Variants in CSMD3 observed in about 807,000 individuals in gnomAD.
The protein encoded by CSMD3 is CUB and Sushi multiple domains 3, also known as CUB and sushi domain-containing protein 3.
In CSMD3, 177 loss-of-function variants were observed where a neutral mutation model predicts 435.2. That is an observed-to-expected ratio of 0.41 (90% confidence interval 0.36 to 0.46). The LOEUF is 0.46. Ranked by LOEUF, CSMD3 falls within the 20% of genes least tolerant of loss-of-function variation. The pLI is 0.34. For synonymous variants in CSMD3, 1,656 were observed against 1,520.5 expected, an observed-to-expected ratio of 1.09 and a Z score of -2.07; for missense variants, 4,265 against 4,504.6, an observed-to-expected ratio of 0.95 and a Z score of 1.52.
chr8:112,492,490 A>G lies in CSMD3; in HGVS notation c.5277T>C (p.His1759=), dbSNP rs2130851922. 1 of 1,613,172 alleles carries G rather than the reference A, an allele frequency of 6.2e-7. No individual in the cohort carries two copies. Among genetic ancestry groups the G allele is most frequent in the Non-Finnish European group, 8.5e-7 (1 of 1,179,162 alleles). Residue 1759 remains histidine, a splice_region_variant and synonymous_variant, in exon 31 of 71, where the codon CAT becomes CAC. Transcript: ENST00000297405. ...PGWNRALPSC[H]APCGSRSTGS... is the part of the protein sequence containing the mutation. ...TCAGCCAAAAAATATGTTCCTTACC[A>G]TGACAACTTGGCAAGGCTCTATTCC...
intron 32 of CSMD3, among the ~76,000 whole-genome samples, chr8:112,444,922 C>G (rs915281801): frequency 1.3e-5 from 2 of 152,026 alleles, no homozygotes; most frequent in African/African-American, 4.8e-5. Context: ...TAGTAAGATT[C>G]GTTTTAACAA....
intron 5 of CSMD3, among the ~76,000 whole-genome samples, chr8:113,056,025 G>A (rs1355303128): frequency 6.6e-6 from 1 of 152,154 alleles, no homozygotes; most frequent in East Asian, 1.9e-4. Flanking sequence ...TCCTGAAAGA[G>A]GATAAGGTAG....
intron 1 of CSMD3, among the ~76,000 whole-genome samples, chr8:113,396,473 C>T (rs746940051): frequency 4.6e-5 from 7 of 152,126 alleles, no homozygotes; most frequent in South Asian, 2.1e-4. Context: ...TGAGTTTTGA[C>T]TTCCACTCTA....
chr8:113,089,966 T>A (rs1160665212), intron 5 of CSMD3, among the ~76,000 whole-genome samples: 1 of 152,004 alleles, frequency 6.6e-6, no homozygotes, highest in Non-Finnish European at 1.5e-5. Context: ...TAGAATAATA[T>A]AGGGAGGTAT....
intron 41 of CSMD3, among the ~76,000 whole-genome samples, chr8:112,342,310 T>C (rs1463936502): frequency 6.6e-6 from 1 of 152,136 alleles, no homozygotes; most frequent in East Asian, 1.9e-4. Context: ...AATATCTTTA[T>C]AAGCATAACT....
intron 5 of CSMD3, among the ~76,000 whole-genome samples, chr8:113,096,103 T>A (rs929872768): frequency 1.3e-5 from 2 of 152,122 alleles, no homozygotes; most frequent in Non-Finnish European, 2.9e-5. Context: ...ACTTTGAGAT[T>A]TCCAAATTTA....
chr8:112,982,989 G>A (rs6993468), intron 6 of CSMD3, among the ~76,000 whole-genome samples: 90,603 of 151,652 alleles, frequency 0.6, 28,497 homozygotes, highest in East Asian at 0.95. Context: ...AGAAACATCC[G>A]ACACACAGAA....
At chr8:113,205,251 G>A (rs1040365441) in intron 3 of CSMD3, among the ~76,000 whole-genome samples, 1 of 152,102 alleles carries the variant, frequency 6.6e-6, no homozygotes, top group Admixed American at 6.6e-5. Context: ...CCAAAGTGTT[G>A]GGATTACAGG....
In CSMD3 at chr8:112,964,330, C is replaced by A. The variant is rs1327526293; in HGVS notation, c.1343-9569G>T. 2.6e-5 allele frequency among the ~76,000 whole-genome samples: 4 copies of A among 151,792 alleles called. No individual in the cohort carries two copies. The East Asian group carries it at 5.8e-4, about 22-fold the overall frequency. The stretch of plus-strand genomic sequence containing the variant: ...AATAGATGCAATTAGTGTATCCTAT[C>A]CTAATTTATTAATTTTGATATAAAA... On this transcript the variant is annotated intron_variant, in intron 7 of 70. Transcript: ENST00000297405.
At chr8:112,954,520 A>T (rs536345103) in intron 8 of CSMD3, among the ~76,000 whole-genome samples, 164 bp downstream of exon 8, 16 of 151,706 alleles carry the variant, frequency 1.1e-4, no homozygotes, top group African/African-American at 3.9e-4. Flanking sequence ...ATCAATATAC[A>T]TTAAAATATA....
At chr8:113,156,470 T>C (rs2091930402) in intron 4 of CSMD3, among the ~76,000 whole-genome samples, 2 of 152,142 alleles carry the variant, frequency 1.3e-5, no homozygotes, top group South Asian at 4.1e-4. Context: ...GCTTTATATA[T>C]CTGTATCCCC....
chr8:113,409,074 T>G (rs1359997917), intron 1 of CSMD3, among the ~76,000 whole-genome samples: 3 of 142,534 alleles, frequency 2.1e-5, no homozygotes, highest in Non-Finnish European at 1.5e-5. Flanking sequence ...CTTCTTCTTC[T>G]TCTTCTTTTT....
intron 13 of CSMD3, among the ~76,000 whole-genome samples, chr8:112,747,183 C>CTTTTTTTTTTTTTTTTTT (rs71309787): frequency 7.4e-5 from 2 of 26,952 alleles, no homozygotes; most frequent in African/African-American, 5.2e-4. Context: ...GCACACTTCC[C>CTTTTTTTTTTTTTTTTTT]TTTTTTTTTT....
intron 32 of CSMD3, among the ~76,000 whole-genome samples, chr8:112,453,981 A>G (rs1816563687): frequency 6.6e-6 from 1 of 151,976 alleles, no homozygotes; most frequent in African/African-American, 2.4e-5. Context: ...CAAAGTCGAC[A>G]ATAATAATCA....
chr8:112,253,359 A>G (rs1432349100), intron 63 of CSMD3, among the ~76,000 whole-genome samples: 1 of 151,994 alleles, frequency 6.6e-6, no homozygotes, highest in Non-Finnish European at 1.5e-5. Flanking sequence ...ACAGGACTGA[A>G]GGAAATCAGA....
At chr8:112,455,114 T>C (rs1816700007) in intron 32 of CSMD3, among the ~76,000 whole-genome samples, 1 of 152,044 alleles carries the variant, frequency 6.6e-6, no homozygotes, top group Non-Finnish European at 1.5e-5. Flanking sequence ...GGAAAATAAA[T>C]TGTTCTACCA....
intron 1 of CSMD3, among the ~76,000 whole-genome samples, chr8:113,417,518 A>G (rs1237222639): frequency 6.6e-6 from 1 of 152,000 alleles, no homozygotes; most frequent in Non-Finnish European, 1.5e-5. Flanking sequence ...TATCTTGAAC[A>G]CTTCTCATTG....
At chr8:113,226,885 T>C (rs571321132) in intron 3 of CSMD3, among the ~76,000 whole-genome samples, 2 of 151,576 alleles carry the variant, frequency 1.3e-5, no homozygotes, top group African/African-American at 4.8e-5. Flanking sequence ...ATTTGATATG[T>C]TTTGAAACAA....
intron 17 of CSMD3, among the ~76,000 whole-genome samples, chr8:112,661,418 T>C (rs2075376919): frequency 6.6e-6 from 1 of 152,066 alleles, no homozygotes; most frequent in African/African-American, 2.4e-5. Context: ...TGCTAAGAAT[T>C]TTGGACAGAG....
Sources: gnomAD v4.1 joint callset for allele counts (sites outside exome capture counted in the v4.1 genomes callset) on GRCh38, gnomAD v4.1.1 for gene constraint, MANE v1.5 for transcripts, NCBI Gene and HGNC (gene_info 2026-07-23, HGNC 2026-07-21) for gene names.